ANKRD62: variants seen among roughly 807,000 people sequenced by gnomAD.
The protein encoded by ANKRD62 is ankyrin repeat domain 62.
Under a neutral mutation model 98.8 loss-of-function variants are expected in ANKRD62, and 61 were observed. The observed-to-expected ratio is 0.62, with a 90% CI of 0.50 to 0.76. The LOEUF (loss-of-function observed/expected upper bound fraction) is 0.76, where lower values mean the gene tolerates loss of function less well. Ranked by LOEUF, ANKRD62 falls within the 30% of genes least tolerant of loss-of-function variation. The pLI is 0.00. For missense variants in ANKRD62, 933 were observed against 1,082.9 expected (o/e 0.86, Z 1.94); for synonymous variants, 341 against 367.9 (o/e 0.93, Z 0.84).
chr18:12,103,248 C>A lies in ANKRD62; in HGVS notation c.891+20C>A. On this transcript the variant is annotated intron_variant, in intron 7 of 13. Coordinates refer to ENST00000587848, the MANE Select transcript of ANKRD62 (RefSeq NM_001277333.2). ...CCACAGGTATGTAAAAATTTAATTT[C>A]AAATTTCTGGTTTTCTTTGGTAATG... 2 of 1,319,388 alleles carry A rather than the reference C, an allele frequency of 1.5e-6. No individual in the cohort carries two copies. Among genetic ancestry groups the A allele is most frequent in the South Asian group, 2.5e-5 (1 of 39,300 alleles). The allele number at this position is 1,319,388 out of a possible 1,614,324, so 81.7% of individuals were successfully genotyped here. A position where few individuals can be genotyped will look rare whatever the true frequency, so the allele number is the denominator to read the frequency against.
intron 9 of ANKRD62, 39 bp from the exon 10 acceptor site, chr18:12,115,354 T>C: frequency 6.7e-7 from 1 of 1,500,364 alleles, no homozygotes; most frequent in African/African-American, 1.4e-5. Context: ...GCTATAAATA[T>C]TTCGAGGGCA....
At chr18:12,175,112 G>C in the ANKRD62 span, among the ~76,000 whole-genome samples, 2 of 152,242 alleles carry the variant, frequency 1.3e-5, no homozygotes, top group Non-Finnish European at 2.9e-5. Flanking sequence ...GGAAGGGTAG[G>C]GGGCTGCTGC....
chr18:12,130,097 G>A (rs1390323122), downstream of ANKRD62, among the ~76,000 whole-genome samples: 1 of 152,076 alleles, frequency 6.6e-6, no homozygotes, highest in Non-Finnish European at 1.5e-5. Flanking sequence ...AAGATAATAA[G>A]TATGTCTATG....
chr18:12,094,299 C>T (rs1314083768), intron 1 of ANKRD62, 64 bp downstream of exon 1: 30 of 1,178,114 alleles, frequency 2.5e-5, no homozygotes, highest in African/African-American at 1.8e-4. Flanking sequence ...TTCCTGGTTT[C>T]GGGGTAGGGG....
chr18:12,167,983 AT>A, the ANKRD62 span, among the ~76,000 whole-genome samples: 9 of 150,452 alleles, frequency 6.0e-5, no homozygotes, highest in African/African-American at 1.7e-4. Flanking sequence ...GGGTTGTTTG[AT>A]TTTTTTTTCT....
intron 5 of ANKRD62, chr18:12,098,398 T>C (rs1422403918): frequency 6.6e-6 from 1 of 152,252 alleles, no homozygotes; most frequent in East Asian, 1.9e-4. Context: ...CCATGACTGA[T>C]CAGCATCCAT....
the ANKRD62 span, among the ~76,000 whole-genome samples, chr18:12,145,296 C>T: frequency 6.6e-6 from 1 of 152,286 alleles, no homozygotes; most frequent in East Asian, 1.9e-4. Context: ...ACCACATGGG[C>T]TTGGAATCTC....
At chr18:12,167,162 T>C in the ANKRD62 span, among the ~76,000 whole-genome samples, 2 of 152,084 alleles carry the variant, frequency 1.3e-5, no homozygotes, top group Non-Finnish European at 2.9e-5. Context: ...ATACTTTAAG[T>C]TCTAGGGTAC....
At chr18:12,120,981 T>C (rs1909771405) in intron 10 of ANKRD62, among the ~76,000 whole-genome samples, 1 of 152,166 alleles carries the variant, frequency 6.6e-6, no homozygotes, top group African/African-American at 2.4e-5. Flanking sequence ...AAGTTTAGAA[T>C]TTTTGGGCCA....
chr18:12,131,673 AGT>A, downstream of ANKRD62, among the ~76,000 whole-genome samples: 1 of 152,246 alleles, frequency 6.6e-6, no homozygotes, highest in Non-Finnish European at 1.5e-5. Flanking sequence ...AAGCAATTAC[AGT>A]TCATAAGCAG....
chr18:12,137,680 G>C, the ANKRD62 span, among the ~76,000 whole-genome samples: 4 of 152,148 alleles, frequency 2.6e-5, no homozygotes, highest in African/African-American at 7.2e-5. Flanking sequence ...TCTGGTTCTG[G>C]ACTTTTTTTG....
At chr18:12,097,616 A>G in intron 4 of ANKRD62, 24 bp from the exon 5 acceptor site, 16 of 1,519,426 alleles carry the variant, frequency 1.1e-5, no homozygotes, top group Non-Finnish European at 1.3e-5. Context: ...GTTCCTAAGC[A>G]TGAAATTATC....
intron 8 of ANKRD62, among the ~76,000 whole-genome samples, chr18:12,111,710 T>C (rs1399650875): frequency 6.6e-6 from 1 of 152,114 alleles, no homozygotes; most frequent in Non-Finnish European, 1.5e-5. Context: ...GAGGAAAGTC[T>C]CAGGATACAA....
the ANKRD62 span, among the ~76,000 whole-genome samples, chr18:12,169,382 G>T: frequency 6.6e-6 from 1 of 152,118 alleles, no homozygotes; most frequent in Non-Finnish European, 1.5e-5. Context: ...TGCATCTATT[G>T]AGATAATCAT....
chr18:12,118,913 T>C (rs1404701680), intron 10 of ANKRD62, among the ~76,000 whole-genome samples: 1 of 152,176 alleles, frequency 6.6e-6, no homozygotes, highest in Admixed American at 6.5e-5. Context: ...AAGAGTGAGT[T>C]GGGGTGTACT....
At chr18:12,177,584 C>T in the ANKRD62 span, among the ~76,000 whole-genome samples, 4 of 152,012 alleles carry the variant, frequency 2.6e-5, no homozygotes, top group South Asian at 2.1e-4. Context: ...ACAAATGTGG[C>T]GACATACATT....
the ANKRD62 span, among the ~76,000 whole-genome samples, chr18:12,166,402 A>G: frequency 6.6e-6 from 1 of 152,008 alleles, no homozygotes; most frequent in African/African-American, 2.4e-5. Flanking sequence ...CTGCTTTATC[A>G]GTTCTGCTAT....
rs747336795 is a variant in ANKRD62 at position 12,097,732 on chromosome 18, C to T, written c.707C>T (p.Ser236Phe). 6.5e-7 allele frequency: 1 copy of T among 1,535,988 alleles called. No homozygotes were observed. The highest frequency in any genetic ancestry group is 1.2e-5 in the South Asian group (1 of 84,012). Residue 236 changes from serine (S) to phenylalanine (F), a missense_variant, in exon 5 of 14, where the codon TCT becomes TTT. Ser to Phe is a radical substitution (Grantham distance 155). Transcript: ENST00000587848. ...HNIDVFCQDISGWTAEDYAVA... is the reference protein window; with the variant it reads ...HNIDVFCQDIFGWTAEDYAVA... ...ATTGATGTCTTTTGCCAAGATATAT[C>T]TGGATGGACTGCAGAAGACTACGCT...
At chr18:12,120,942 C>T (rs968386436) in intron 10 of ANKRD62, among the ~76,000 whole-genome samples, 15 of 152,112 alleles carry the variant, frequency 9.9e-5, no homozygotes, top group African/African-American at 2.4e-4. Flanking sequence ...ACAGTTCCTT[C>T]CTGGATCTGT....
Sources: gnomAD v4.1 joint callset for allele counts (sites outside exome capture counted in the v4.1 genomes callset) on GRCh38, gnomAD v4.1.1 for gene constraint, MANE v1.5 for transcripts, NCBI Gene and HGNC (gene_info 2026-07-23, HGNC 2026-07-21) for gene names.